Variants in KCTD3 observed in about 807,000 individuals in gnomAD.
The protein encoded by KCTD3 is potassium channel tetramerization domain containing 3.
A neutral mutation model predicts 85.8 loss-of-function variants in KCTD3; 41 were observed. The ratio of observed to expected loss-of-function variants is 0.48; its 90% CI spans 0.37 to 0.62. The LOEUF (loss-of-function observed/expected upper bound fraction) is 0.62. Among genes scored for constraint, KCTD3 ranks in the 20% least tolerant of loss-of-function variants. The probability of loss-of-function intolerance (pLI) is 0.00; values close to 1 mark genes in which losing one functional copy is unlikely to be tolerated. For missense variants in KCTD3, 724 were observed against 989.9 expected (o/e 0.73, Z 3.60); for synonymous variants, 338 against 345.4 (o/e 0.98, Z 0.24).
At chr1:215,568,163 C>G (rs186134870) in intron 1 of KCTD3, among the ~76,000 whole-genome samples, 2 of 152,260 alleles carry the variant, frequency 1.3e-5, no homozygotes, top group Admixed American at 1.3e-4. Context: ...TGGAGATGAA[C>G]TTGCTTTCCT....
At chr1:215,577,370 C>G (rs192490313) in intron 4 of KCTD3, among the ~76,000 whole-genome samples, 410 of 152,166 alleles carry the variant, frequency 2.7e-3, no homozygotes, top group Admixed American at 5.4e-3. Context: ...CGTTTGCCTT[C>G]TAGACAATTT....
chr1:215,605,356 A>C (rs1325983247), intron 13 of KCTD3, among the ~76,000 whole-genome samples: 3 of 152,130 alleles, frequency 2.0e-5, no homozygotes, highest in African/African-American at 7.2e-5. Flanking sequence ...TGCCTTGCTA[A>C]AACAGTCTCT....
At position 215,579,812 on chromosome 1, in the gene KCTD3, T is replaced by C; in HGVS notation, c.536-97T>C. ...TGTGCCCGGCTCTTAACAAAACTATTAACCAAAACAGGCAGAAGGCTGAAA... is the reference window on the plus strand; with the variant it reads ...TGTGCCCGGCTCTTAACAAAACTATCAACCAAAACAGGCAGAAGGCTGAAA... On this transcript the variant is annotated intron_variant, in intron 7 of 17. Transcript: ENST00000259154. 4.9e-6 allele frequency: 4 copies of C among 815,100 alleles called. No individual in the cohort carries two copies. In the South Asian group the frequency reaches 6.1e-5, roughly 12 times the overall value. The allele number at this position is 815,100 out of a possible 1,614,324, so 50.5% of individuals were successfully genotyped here.
intron 13 of KCTD3, 26 bp downstream of exon 13, chr1:215,604,328 A>C (rs1325110016): frequency 3.8e-6 from 6 of 1,575,442 alleles, no homozygotes; most frequent in East Asian, 2.2e-5. Flanking sequence ...TATACTGGTA[A>C]GGAACTTGGC....
In KCTD3 at chr1:215,567,695, G is replaced by A. The variant is rs1279353732; in HGVS notation, c.10G>A (p.Gly4Arg). MAG[G>R]HCGSFPAAAA... ...TCCGGAGCCGCCGGAGATGGCGGGA[G>A]GGCACTGCGGCAGCTTCCCCGCGGC... The change falls in exon 1 of 18, where the codon GGG becomes AGG. Residue 4 changes from glycine (G) to arginine (R), a missense_variant. Around this residue, in one of 6 missense-constraint regions of KCTD3, gnomAD observed 97 missense variants for 115.7 expected, o/e 0.84. Transcript: ENST00000259154. 2.4e-6 allele frequency: 3 copies of A among 1,240,618 alleles called. No homozygotes were observed. Among genetic ancestry groups the A allele is most frequent in the Non-Finnish European group, 3.0e-6 (3 of 987,938 alleles). 76.9% of individuals were successfully genotyped at this position (1,240,618 alleles called of 1,614,324 possible).
chr1:215,578,687 C>T (rs376450817), intron 6 of KCTD3, among the ~76,000 whole-genome samples: 17 of 152,158 alleles, frequency 1.1e-4, no homozygotes, highest in African/African-American at 3.6e-4. Context: ...CACATAATAC[C>T]TGTACCATAA....
Position 215,616,995 on chromosome 1 carries a change from G to T in KCTD3, c.1563-1891G>T, listed in dbSNP as rs187992862. 9.5e-4 allele frequency among the ~76,000 whole-genome samples: 145 copies of T among 152,318 alleles called. 1 individual carries two copies. Among genetic ancestry groups the T allele is most frequent in the African/African-American group, 3.0e-3 (126 of 41,570 alleles). ...TTTGAGAAGGGGAGAGGAGCCGAAG[G>T]CTAAGTTGATCAATGGCCAATGATT... is the stretch of plus-strand genomic sequence containing the variant. On this transcript the variant is annotated intron_variant, in intron 15 of 17. Transcript: ENST00000259154.
chr1:215,576,668 C>T (rs887437101), intron 4 of KCTD3, among the ~76,000 whole-genome samples: 3 of 151,360 alleles, frequency 2.0e-5, no homozygotes, highest in African/African-American at 7.3e-5. Flanking sequence ...CCCGGGTTCA[C>T]GCCATTCTCC....
intron 14 of KCTD3, among the ~76,000 whole-genome samples, chr1:215,610,865 G>A (rs996595023): frequency 6.6e-5 from 10 of 151,694 alleles, no homozygotes; most frequent in Admixed American, 2.6e-4. Context: ...AAGCATTTAC[G>A]GTGGCACATA....
At chr1:215,573,985 T>C (rs560844200) in intron 2 of KCTD3, 88 bp from the exon 3 acceptor site, 4 of 1,060,350 alleles carry the variant, frequency 3.8e-6, no homozygotes, top group East Asian at 4.8e-5. Flanking sequence ...AACTTACTTT[T>C]AGTGGTCTTT....
chr1:215,586,222 C>T lies in KCTD3; in HGVS notation c.627-273C>T, dbSNP rs573701661. 1.2e-4 allele frequency among the ~76,000 whole-genome samples: 18 copies of T among 152,106 alleles called. No homozygotes were observed. The South Asian group carries it at 3.7e-3, about 32-fold the overall frequency. Reference sequence around the variant, plus strand: ...ATTTTTTAAAATTTGGAGGACTTTACTAAATTATTCTTTGGGGAAATATAG... The same window carrying T: ...ATTTTTTAAAATTTGGAGGACTTTATTAAATTATTCTTTGGGGAAATATAG... On this transcript the variant is annotated intron_variant, in intron 8 of 17. Coordinates refer to ENST00000259154, the MANE Select transcript of KCTD3 (RefSeq NM_016121.5).
chr1:215,603,174 G>A (rs1474515605), intron 12 of KCTD3, among the ~76,000 whole-genome samples: 1 of 152,082 alleles, frequency 6.6e-6, no homozygotes, highest in Non-Finnish European at 1.5e-5. Flanking sequence ...CTAGTTAAAA[G>A]GCAGGCATAA....
chr1:215,585,230 TTTTCA>T (rs761667920), intron 8 of KCTD3, among the ~76,000 whole-genome samples: 1 of 152,228 alleles, frequency 6.6e-6, no homozygotes, highest in Non-Finnish European at 1.5e-5. Flanking sequence ...TATTTAAGTA[TTTTCA>T]TTTGTTTATC....
intron 15 of KCTD3, among the ~76,000 whole-genome samples, chr1:215,613,863 G>T (rs1655324474): frequency 6.6e-6 from 1 of 151,856 alleles, no homozygotes; most frequent in African/African-American, 2.4e-5. Flanking sequence ...CTATGTGTTT[G>T]TTTTTGTACC....
At chr1:215,615,917 A>G (rs922108904) in intron 15 of KCTD3, among the ~76,000 whole-genome samples, 1 of 152,190 alleles carries the variant, frequency 6.6e-6, no homozygotes, top group Admixed American at 6.5e-5. Context: ...CTGAGTAGGG[A>G]ACTCCAGTGG....
At chr1:215,600,629 G>C (rs1324520947) in intron 10 of KCTD3, among the ~76,000 whole-genome samples, 1 of 152,138 alleles carries the variant, frequency 6.6e-6, no homozygotes, top group Non-Finnish European at 1.5e-5. Flanking sequence ...TTCATTGTTT[G>C]TTTTCTTGGA....
chr1:215,579,957 A>G lies in KCTD3; in HGVS notation c.584A>G (p.Asn195Ser). ...RKVLIVAGHH[N>S]WIVAAYAHFA... ...GTGCTAATAGTAGCTGGCCATCACA[A>G]CTGGATTGTAGCTGCATATGCCCAT... is the stretch of plus-strand genomic sequence containing the variant. Residue 195 changes from asparagine (N) to serine (S), a missense_variant, in exon 8 of 18, where the codon AAC becomes AGC. Physicochemically the swap from Asn to Ser is conservative, Grantham distance 46 (BLOSUM62 1). Around this residue, in one of 6 missense-constraint regions of KCTD3, gnomAD observed 106 missense variants for 98.2 expected, o/e 1.08. Transcript: ENST00000259154. The G allele has an allele frequency of 1.2e-6, 2 of 1,613,512 alleles. No individual in the cohort carries two copies. The highest frequency in any genetic ancestry group is 1.7e-6 in the Non-Finnish European group (2 of 1,179,402).
intron 8 of KCTD3, among the ~76,000 whole-genome samples, chr1:215,584,204 G>A (rs543334736): frequency 6.6e-6 from 1 of 152,224 alleles, no homozygotes; most frequent in East Asian, 1.9e-4. Flanking sequence ...AGTCCAAATT[G>A]CAGAAAGAAC....
At chr1:215,596,253 A>G (rs2102583482) in intron 10 of KCTD3, among the ~76,000 whole-genome samples, 1 of 152,264 alleles carries the variant, frequency 6.6e-6, no homozygotes, top group Non-Finnish European at 1.5e-5. Flanking sequence ...AGAAGCAGAG[A>G]GGCTGGTGGG....
Sources: allele counts gnomAD v4.1 joint callset (sites outside exome capture counted in the v4.1 genomes callset), GRCh38; gene constraint gnomAD v4.1.1; regional missense constraint gnomAD v4.1.1; transcripts MANE v1.5; gene names NCBI Gene and HGNC (gene_info 2026-07-23, HGNC 2026-07-21).